ALK: variants seen among roughly 807,000 people sequenced by gnomAD.
The protein encoded by ALK is ALK receptor tyrosine kinase.
A neutral mutation model predicts 163.1 loss-of-function variants in ALK; 74 were observed. The observed-to-expected ratio is 0.45, with a 90% CI of 0.38 to 0.55. The LOEUF (loss-of-function observed/expected upper bound fraction) is 0.55, where lower values mean the gene tolerates loss of function less well. Among genes scored for constraint, ALK ranks in the 20% least tolerant of loss-of-function variants. ALK has a pLI of 0.00. For synonymous variants in ALK, 960 were observed against 843.2 expected (o/e 1.14, Z -2.40); for missense variants, 2,063 against 2,105.3 (o/e 0.98, Z 0.39).
At chr2:29,339,113 T>G (rs1386722849) in intron 5 of ALK, among the ~76,000 whole-genome samples, 1 of 152,124 alleles carries the variant, frequency 6.6e-6, no homozygotes, top group African/African-American at 2.4e-5. Context: ...TGTGGTGGCA[T>G]GTACCTGTAG....
At chr2:29,692,363 C>A (rs1375566715) in intron 3 of ALK, among the ~76,000 whole-genome samples, 1 of 152,182 alleles carries the variant, frequency 6.6e-6, no homozygotes, top group Non-Finnish European at 1.5e-5. Context: ...AGCAATTCCA[C>A]TCTTAGTTAC....
rs1288784426 is a variant in ALK at position 29,757,959 on chromosome 2, ACAC to A, written c.668-40265_668-40263del. ...GCCTTCATTCTTTTCATGAGGGAAAACACACCCATTCCCAAGAGATGATATTCA... is the reference window on the plus strand; with the variant it reads ...GCCTTCATTCTTTTCATGAGGGAAAAACCCATTCCCAAGAGATGATATTCA... On this transcript the variant is annotated intron_variant, in intron 1 of 28. Transcript: ENST00000389048. 3.3e-5 allele frequency among the ~76,000 whole-genome samples: 5 copies of A among 151,508 alleles called. No individual in the cohort carries two copies. The East Asian group carries it at 9.7e-4, about 29-fold the overall frequency.
At chr2:29,299,111 T>C (rs977223579) in intron 8 of ALK, among the ~76,000 whole-genome samples, 1 of 152,236 alleles carries the variant, frequency 6.6e-6, no homozygotes, top group Non-Finnish European at 1.5e-5. Context: ...TCTTTCAACC[T>C]GGTTTCTAGA....
At chr2:29,591,495 G>A (rs148012148) in intron 3 of ALK, among the ~76,000 whole-genome samples, 15 of 152,294 alleles carry the variant, frequency 9.8e-5, no homozygotes, top group Middle Eastern at 3.4e-3. Flanking sequence ...CCCCAGGGCC[G>A]TGAAACATTA....
chr2:29,350,239 G>A (rs1668076858), intron 5 of ALK, among the ~76,000 whole-genome samples: 1 of 152,226 alleles, frequency 6.6e-6, no homozygotes. Context: ...CTGGTTGAAG[G>A]GATAAGATGG....
chr2:29,645,170 A>C (rs1204122546), intron 3 of ALK, among the ~76,000 whole-genome samples: 1 of 152,166 alleles, frequency 6.6e-6, no homozygotes, highest in Non-Finnish European at 1.5e-5. Context: ...AAGTGCATCT[A>C]TGAGAAAGGT....
At chr2:29,551,557 CA>C (rs1251751379) in intron 3 of ALK, among the ~76,000 whole-genome samples, 1 of 152,010 alleles carries the variant, frequency 6.6e-6, no homozygotes, top group African/African-American at 2.4e-5. Flanking sequence ...AGAACTAAGA[CA>C]AAAAAACCCT....
At chr2:29,459,768 C>T (rs1362309018) in intron 4 of ALK, among the ~76,000 whole-genome samples, 1 of 151,974 alleles carries the variant, frequency 6.6e-6, no homozygotes, top group Non-Finnish European at 1.5e-5. Flanking sequence ...AGCTGAGGTC[C>T]CCAACAATAT....
chr2:29,649,709 C>T (rs1676986403), intron 3 of ALK, among the ~76,000 whole-genome samples: 1 of 152,116 alleles, frequency 6.6e-6, no homozygotes, highest in Non-Finnish European at 1.5e-5. Flanking sequence ...CCTCAACCTC[C>T]TGGTGGTTGG....
At chr2:29,301,127 C>G (rs1185589151) in intron 8 of ALK, among the ~76,000 whole-genome samples, 3 of 152,216 alleles carry the variant, frequency 2.0e-5, no homozygotes, top group Non-Finnish European at 2.9e-5. Context: ...GTTCCAGACT[C>G]CCCTACACCA....
intron 1 of ALK, among the ~76,000 whole-genome samples, chr2:29,886,184 C>T (rs1666980608): frequency 6.6e-6 from 1 of 152,138 alleles, no homozygotes; most frequent in African/African-American, 2.4e-5. Context: ...ATTGTAAGAA[C>T]ACAGTATAAA....
intron 1 of ALK, among the ~76,000 whole-genome samples, chr2:29,720,479 G>C (rs1196129930): frequency 6.6e-6 from 1 of 152,200 alleles, no homozygotes; most frequent in African/African-American, 2.4e-5. Flanking sequence ...ACCCCTGAGA[G>C]TAGGGAGTGC....
intron 1 of ALK, among the ~76,000 whole-genome samples, chr2:29,906,090 G>A (rs927418921): frequency 6.6e-5 from 10 of 152,102 alleles, no homozygotes; most frequent in African/African-American, 1.9e-4. Flanking sequence ...GGAGCAGAAT[G>A]TTGTCCTCAT....
At chr2:29,627,965 G>C (rs1004207938) in intron 3 of ALK, among the ~76,000 whole-genome samples, 1 of 152,178 alleles carries the variant, frequency 6.6e-6, no homozygotes, top group Non-Finnish European at 1.5e-5. Flanking sequence ...CCTTGATTTG[G>C]CTTGGGAAAT....
intron 3 of ALK, among the ~76,000 whole-genome samples, chr2:29,687,444 T>C (rs1678270871): frequency 6.6e-6 from 1 of 151,986 alleles, no homozygotes; most frequent in Non-Finnish European, 1.5e-5. Flanking sequence ...TTGACTGTGG[T>C]TGTGGCACAA....
intron 4 of ALK, among the ~76,000 whole-genome samples, chr2:29,516,092 G>A (rs776426264): frequency 6.6e-6 from 1 of 152,122 alleles, no homozygotes; most frequent in Non-Finnish European, 1.5e-5. Context: ...GCTCCTGCAG[G>A]GCAGCAGAAT....
intron 5 of ALK, among the ~76,000 whole-genome samples, chr2:29,371,078 G>C (rs1341476905): frequency 6.6e-6 from 1 of 152,250 alleles, no homozygotes; most frequent in African/African-American, 2.4e-5. Flanking sequence ...TAATGTTGGA[G>C]CTGAGGGAAG....
intron 1 of ALK, among the ~76,000 whole-genome samples, chr2:29,785,573 G>C (rs1663987342): frequency 6.6e-6 from 1 of 152,190 alleles, no homozygotes. Flanking sequence ...TGCATTAACA[G>C]AGGTGAGTTA....
intron 1 of ALK, among the ~76,000 whole-genome samples, chr2:29,769,529 C>T (rs1680958642): frequency 6.6e-6 from 1 of 152,146 alleles, no homozygotes; most frequent in African/African-American, 2.4e-5. Context: ...AGTATCTGAG[C>T]CTCAGCACCT....
Sources: gnomAD v4.1 joint callset for allele counts (sites outside exome capture counted in the v4.1 genomes callset) on GRCh38, gnomAD v4.1.1 for gene constraint, MANE v1.5 for transcripts, NCBI Gene and HGNC (gene_info 2026-07-23, HGNC 2026-07-21) for gene names.